KCNG2: variants seen among roughly 807,000 people sequenced by gnomAD.
KCNG2 encodes the protein voltage-gated potassium channel regulatory subunit KCNG2.
Under a neutral mutation model 12.3 loss-of-function variants are expected in KCNG2, and 7 were observed. The ratio of observed to expected loss-of-function variants is 0.57; its 90% CI spans 0.32 to 1.07. The LOEUF (loss-of-function observed/expected upper bound fraction) is 1.07. Among genes scored for constraint, KCNG2 ranks in the 50% least tolerant of loss-of-function variants. The pLI is 0.04. For missense variants in KCNG2, 703 were observed against 726.0 expected (o/e 0.97, Z 0.36); for synonymous variants, 414 against 351.4 (o/e 1.18, Z -1.99).
chr18:79,809,830 T>C (rs1045279456), intron 1 of KCNG2, among the ~76,000 whole-genome samples: 3 of 152,262 alleles, frequency 2.0e-5, no homozygotes, highest in Admixed American at 6.5e-5. Context: ...AACAAGAATG[T>C]GGCCAAATGC....
rs145423838 is a variant in KCNG2, at chr18:79,832,125, C to T, written c.-114-24254C>T. ...GAGCCTACTCCGAGGTACATCTATC[C>T]GCTGCTCATAGCTTGCCCGTCCTCA... On this transcript the variant is annotated intron_variant, in intron 1 of 3. Transcript: ENST00000316249. Among the ~76,000 whole-genome samples, 10 of 152,292 alleles carry T rather than the reference C, an allele frequency of 6.6e-5. No individual in the cohort carries two copies. The South Asian group carries it at 1.2e-3, about 19-fold the overall frequency.
At chr18:79,850,955 G>A (rs568374687) in intron 1 of KCNG2, among the ~76,000 whole-genome samples, 4 of 152,302 alleles carry the variant, frequency 2.6e-5, no homozygotes, top group East Asian at 1.9e-4. Flanking sequence ...CCGAACATCC[G>A]TGGAGTCTTC....
chr18:79,828,596 TG>T (rs1978288086), intron 1 of KCNG2, among the ~76,000 whole-genome samples: 2 of 151,974 alleles, frequency 1.3e-5, no homozygotes, highest in African/African-American at 4.8e-5. Context: ...TGCATGTGGG[TG>T]TGTGGATGTG....
intron 1 of KCNG2, among the ~76,000 whole-genome samples, chr18:79,847,210 C>G (rs768380668): frequency 1.3e-5 from 2 of 152,244 alleles, no homozygotes; most frequent in Admixed American, 6.5e-5. Flanking sequence ...GTCAGCCCTC[C>G]TGGCCTCGTA....
rs1054122668 is a variant in KCNG2, at chr18:79,884,334, G to A, written c.625-14706G>A. On this transcript the variant is annotated intron_variant, in intron 3 of 3. Transcript: ENST00000316249. This position sits in a 1 kb window ranked among gnomAD's most constrained non-coding sequence, Gnocchi z 5.5. ...GTCCCACCTAATGACACACACTCCC[G>A]TTCTCAGTCCTTCAAGGAGGCCCCC... is the stretch of plus-strand genomic sequence containing the variant. 6.6e-6 allele frequency among the ~76,000 whole-genome samples: 1 copy of A among 150,602 alleles called. No individual in the cohort carries two copies. The highest frequency in any genetic ancestry group is 2.5e-5 in the African/African-American group (1 of 40,738).
chr18:79,860,944 A>G (rs966959759), intron 2 of KCNG2, among the ~76,000 whole-genome samples: 11 of 152,254 alleles, frequency 7.2e-5, no homozygotes, highest in Middle Eastern at 3.4e-3. Flanking sequence ...GTTAGCGGTG[A>G]GTTTTTCCTA....
intron 1 of KCNG2, among the ~76,000 whole-genome samples, chr18:79,798,489 G>A (rs2087381531): frequency 1.3e-5 from 2 of 152,206 alleles, no homozygotes. Flanking sequence ...CTCGCGCGGA[G>A]AGCGGGCGGG....
At chr18:79,888,402 CGG>C (rs1980614889) in intron 3 of KCNG2, among the ~76,000 whole-genome samples, 3 of 151,088 alleles carry the variant, frequency 2.0e-5, no homozygotes, top group African/African-American at 7.3e-5. Context: ...GGGGCCGGGA[CGG>C]CGGCGTCCTC....
intron 2 of KCNG2, among the ~76,000 whole-genome samples, chr18:79,856,757 G>A (rs574198813): frequency 6.6e-6 from 1 of 152,142 alleles, no homozygotes; most frequent in East Asian, 1.9e-4. Flanking sequence ...TCGACAAACT[G>A]GGACAGCTGC....
At chr18:79,853,677 CA>C (rs1410856896) in intron 1 of KCNG2, among the ~76,000 whole-genome samples, 1 of 152,238 alleles carries the variant, frequency 6.6e-6, no homozygotes, top group Non-Finnish European at 1.5e-5. Flanking sequence ...TTCCAGATGC[CA>C]GGCAGCCGGT....
At chr18:79,805,498 TTGA>T (rs1393637458) in intron 1 of KCNG2, among the ~76,000 whole-genome samples, 4 of 152,212 alleles carry the variant, frequency 2.6e-5, no homozygotes, top group Non-Finnish European at 5.9e-5. Flanking sequence ...AACACTGCAC[TTGA>T]TGATGTCTGG....
intron 1 of KCNG2, among the ~76,000 whole-genome samples, chr18:79,802,902 G>A (rs1038797064): frequency 1.3e-5 from 2 of 152,236 alleles, no homozygotes; most frequent in African/African-American, 2.4e-5. Flanking sequence ...CGCTTGGCTG[G>A]GTGCGGTGGC....
intron 3 of KCNG2, among the ~76,000 whole-genome samples, chr18:79,865,038 G>A (rs1040694550): frequency 7.0e-6 from 1 of 143,040 alleles, no homozygotes. Context: ...TCTGTGTGCT[G>A]AGAAGTTTGG....
intron 1 of KCNG2, among the ~76,000 whole-genome samples, chr18:79,831,621 GCGT>G (rs1978296202): frequency 2.6e-5 from 3 of 115,426 alleles, no homozygotes; most frequent in East Asian, 2.7e-4. Context: ...AGCGTGCCCT[GCGT>G]ACAGAGCCTT....
Position 79,821,906 on chromosome 18 carries a change from G to A in KCNG2, c.-115+23892G>A, listed in dbSNP as rs192903435. On this transcript the variant is annotated intron_variant, in intron 1 of 3. Coordinates refer to ENST00000316249, the MANE Select transcript of KCNG2 (RefSeq NM_012283.2). ...TTTTTCAAAATTGTATTGACTATTCGTGGTCCGTTAAGACTCCATATGAAT... is the reference window on the plus strand; with the variant it reads ...TTTTTCAAAATTGTATTGACTATTCATGGTCCGTTAAGACTCCATATGAAT... Among the ~76,000 whole-genome samples, 27 of 152,266 alleles carry A rather than the reference G, an allele frequency of 1.8e-4. No homozygotes were observed. The East Asian group carries it at 2.1e-3, about 12-fold the overall frequency.
chr18:79,843,044 C>G (rs1978511812), intron 1 of KCNG2, among the ~76,000 whole-genome samples: 1 of 152,044 alleles, frequency 6.6e-6, no homozygotes, highest in Non-Finnish European at 1.5e-5. Flanking sequence ...AGATATTTAC[C>G]AAGACACATT....
At chr18:79,869,789 T>C (rs1979756901) in intron 3 of KCNG2, among the ~76,000 whole-genome samples, 2 of 152,202 alleles carry the variant, frequency 1.3e-5, no homozygotes, top group Admixed American at 1.3e-4. Context: ...AAGTACATTC[T>C]AAACCCAAAC....
chr18:79,824,222 C>T (rs1019555123), intron 1 of KCNG2, among the ~76,000 whole-genome samples: 3 of 152,220 alleles, frequency 2.0e-5, no homozygotes, highest in African/African-American at 7.2e-5. Flanking sequence ...TGATCTTGAA[C>T]TCCTGGACTC....
intron 1 of KCNG2, among the ~76,000 whole-genome samples, chr18:79,798,923 G>T (rs920097025): frequency 1.3e-5 from 2 of 152,194 alleles, no homozygotes; most frequent in African/African-American, 4.8e-5. Context: ...GACCGGTGGA[G>T]CCCCCGCCCG....
Sources: gnomAD v4.1 joint callset for allele counts (sites outside exome capture counted in the v4.1 genomes callset) on GRCh38, gnomAD v4.1.1 for gene constraint, Gnocchi (gnomAD v3.1) non-coding constraint, MANE v1.5 for transcripts, NCBI Gene and HGNC (gene_info 2026-07-23, HGNC 2026-07-21) for gene names.